The following LINGO2 variants were observed in gnomAD, a reference collection of about 807,000 sequenced individuals.
LINGO2 encodes the protein leucine rich repeat and Ig domain containing 2, also known as leucine-rich repeat and immunoglobulin-like domain-containing nogo receptor-interacting protein 2.
LINGO2 carries 14 observed loss-of-function variants against 30.6 expected under a neutral mutation model. That is an observed-to-expected ratio of 0.46 (90% CI 0.30 to 0.72). The LOEUF (loss-of-function observed/expected upper bound fraction) is 0.72. Among genes scored for constraint, LINGO2 ranks in the 30% least tolerant of loss-of-function variants. The probability of loss-of-function intolerance (pLI) is 0.07; values close to 1 mark genes in which losing one functional copy is unlikely to be tolerated. For synonymous variants in LINGO2, 317 were observed against 288.5 expected (o/e 1.10, Z -1.00); for missense variants, 729 against 751.7 (o/e 0.97, Z 0.35).
the LINGO2 span, among the ~76,000 whole-genome samples, chr9:28,678,830 C>G: frequency 1.3e-5 from 2 of 152,092 alleles, no homozygotes; most frequent in Non-Finnish European, 2.9e-5. Context: ...GTTACCCAAC[C>G]ACAAACTTGG....
chr9:29,053,600 T>G, the LINGO2 span, among the ~76,000 whole-genome samples: 99 of 152,206 alleles, frequency 6.5e-4, no homozygotes, highest in African/African-American at 2.3e-3. Flanking sequence ...TATTCTGAGT[T>G]TTCAAGGTAA....
chr9:28,039,602 A>G (rs1158675250), intron 4 of LINGO2, among the ~76,000 whole-genome samples: 1 of 152,136 alleles, frequency 6.6e-6, no homozygotes, highest in Non-Finnish European at 1.5e-5. Context: ...TGGACTCTGT[A>G]TATAAACAGT....
At chr9:28,961,412 T>G in the LINGO2 span, among the ~76,000 whole-genome samples, 1 of 152,158 alleles carries the variant, frequency 6.6e-6, no homozygotes, top group Non-Finnish European at 1.5e-5. Flanking sequence ...TAATCCATAA[T>G]ACATAGCCCA....
intron 1 of LINGO2, among the ~76,000 whole-genome samples, chr9:28,655,385 G>A (rs1199300634): frequency 6.6e-6 from 1 of 151,940 alleles, no homozygotes; most frequent in African/African-American, 2.4e-5. Context: ...GAATTTACCG[G>A]CTCATAAGCA....
the LINGO2 span, among the ~76,000 whole-genome samples, chr9:28,830,591 G>A: frequency 6.6e-6 from 1 of 152,178 alleles, no homozygotes; most frequent in African/African-American, 2.4e-5. Context: ...CCAGGTAAGA[G>A]AACCCAACTC....
At chr9:29,024,427 C>T in the LINGO2 span, among the ~76,000 whole-genome samples, 1 of 152,028 alleles carries the variant, frequency 6.6e-6, no homozygotes, top group Non-Finnish European at 1.5e-5. Flanking sequence ...GAAAATCAAT[C>T]CTGAATGTAT....
chr9:28,171,863 C>A (rs1357916858), intron 4 of LINGO2, among the ~76,000 whole-genome samples: 1 of 148,652 alleles, frequency 6.7e-6, no homozygotes, highest in Non-Finnish European at 1.5e-5. Flanking sequence ...AAACAAAAAA[C>A]CAAAAAAATT....
intron 1 of LINGO2, among the ~76,000 whole-genome samples, chr9:28,538,807 C>T (rs1035153350): frequency 1.7e-4 from 26 of 152,168 alleles, no homozygotes; most frequent in South Asian, 1.0e-3. Context: ...GTCCCCACCT[C>T]CTAACATTGT....
chr9:28,061,249 A>G (rs1825134410), intron 4 of LINGO2, among the ~76,000 whole-genome samples: 1 of 150,266 alleles, frequency 6.7e-6, no homozygotes, highest in Admixed American at 6.7e-5. Context: ...AGTGGCTATA[A>G]AGGAAAACCA....
At chr9:28,865,291 A>G in the LINGO2 span, among the ~76,000 whole-genome samples, 22,291 of 152,136 alleles carry the variant, frequency 0.15, 1,821 homozygotes, top group East Asian at 0.33. Flanking sequence ...GAACTCCAGA[A>G]TAATGAGGCA....
intron 1 of LINGO2, among the ~76,000 whole-genome samples, chr9:28,515,829 G>T (rs1820598845): frequency 6.6e-6 from 1 of 152,222 alleles, no homozygotes; most frequent in African/African-American, 2.4e-5. Context: ...GAAGTTTTAT[G>T]TGGGTAAAAT....
chr9:28,279,798 C>A (rs1329917632), intron 4 of LINGO2, among the ~76,000 whole-genome samples: 1 of 152,074 alleles, frequency 6.6e-6, no homozygotes, highest in Non-Finnish European at 1.5e-5. Context: ...CTCTGGCACC[C>A]ACCCACCCAC....
the LINGO2 span, among the ~76,000 whole-genome samples, chr9:28,930,339 A>G: frequency 6.6e-6 from 1 of 152,128 alleles, no homozygotes. This position sits in a 1 kb window ranked among gnomAD's most constrained non-coding sequence, Gnocchi z 4.2. Flanking sequence ...CCCATTTCAC[A>G]TGGTACCTGT....
chr9:29,050,534 G>A, the LINGO2 span, among the ~76,000 whole-genome samples: 28 of 152,194 alleles, frequency 1.8e-4, no homozygotes, highest in Non-Finnish European at 3.7e-4. Context: ...CCTATAGATG[G>A]TGAGTGGGAA....
the LINGO2 span, among the ~76,000 whole-genome samples, chr9:28,837,563 C>T: frequency 6.7e-6 from 1 of 148,828 alleles, no homozygotes; most frequent in African/African-American, 2.5e-5. Context: ...AGGAGAATTG[C>T]TTGAACCCAA....
At chr9:28,822,256 A>G in the LINGO2 span, among the ~76,000 whole-genome samples, 1 of 152,318 alleles carries the variant, frequency 6.6e-6, no homozygotes, top group African/African-American at 2.4e-5. Context: ...ATAAAAAGCA[A>G]ACTATACCCT....
chr9:28,686,988 G>C, the LINGO2 span, among the ~76,000 whole-genome samples: 1 of 151,998 alleles, frequency 6.6e-6, no homozygotes, highest in Non-Finnish European at 1.5e-5. Context: ...GGGATGAGTG[G>C]TTATACTACT....
At chr9:29,039,935 G>T in the LINGO2 span, among the ~76,000 whole-genome samples, 1 of 151,886 alleles carries the variant, frequency 6.6e-6, no homozygotes, top group Non-Finnish European at 1.5e-5. Flanking sequence ...GCTGCTTTTG[G>T]GTCAAATTTT....
At chr9:29,120,926 T>G in the LINGO2 span, among the ~76,000 whole-genome samples, 1 of 152,160 alleles carries the variant, frequency 6.6e-6, no homozygotes, top group Non-Finnish European at 1.5e-5. Flanking sequence ...AAGTGGTCAG[T>G]AAATGTTGTC....
Sources: gnomAD v4.1 joint callset for allele counts (sites outside exome capture counted in the v4.1 genomes callset) on GRCh38, gnomAD v4.1.1 for gene constraint, Gnocchi (gnomAD v3.1) non-coding constraint, MANE v1.5 for transcripts, NCBI Gene and HGNC (gene_info 2026-07-23, HGNC 2026-07-21) for gene names.